The following DPYD variants were observed in gnomAD, a reference collection of about 807,000 sequenced individuals.
DPYD encodes dihydropyrimidine dehydrogenase [NADP(+)].
A neutral mutation model predicts 116.2 loss-of-function variants in DPYD; 109 were observed. That is an observed-to-expected ratio of 0.94 (90% confidence interval 0.80 to 1.10). The LOEUF is 1.10. DPYD is among the 50% of genes least tolerant of loss of function. The pLI is 0.00. For missense variants in DPYD, 1,302 were observed against 1,254.5 expected (o/e 1.04, Z -0.57); for synonymous variants, 440 against 432.0 (o/e 1.02, Z -0.23).
chr1:97,409,035 C>A (rs1349739441), intron 14 of DPYD, among the ~76,000 whole-genome samples: 1 of 152,086 alleles, frequency 6.6e-6, no homozygotes, highest in African/African-American at 2.4e-5. Flanking sequence ...GACGGCCTAT[C>A]ATGGGACTTC....
intron 18 of DPYD, among the ~76,000 whole-genome samples, chr1:97,285,749 T>A (rs1665633818): frequency 6.7e-6 from 1 of 150,346 alleles, no homozygotes; most frequent in African/African-American, 2.4e-5. Flanking sequence ...AGTGGCATAA[T>A]CTCAGCTCAC....
At chr1:97,079,195 C>T (rs1648986830) in intron 22 of DPYD, 49 bp from the exon 23 acceptor site, 2 of 1,601,424 alleles carry the variant, frequency 1.2e-6, no homozygotes, top group Non-Finnish European at 1.7e-6. Flanking sequence ...CAAAGGTCAA[C>T]AATGTCCCCA....
At chr1:97,651,922 TC>T (rs1370368499) in intron 8 of DPYD, among the ~76,000 whole-genome samples, 2 of 152,224 alleles carry the variant, frequency 1.3e-5, no homozygotes, top group Admixed American at 1.3e-4. Flanking sequence ...TAAAATCATT[TC>T]AGAAGCCAAA....
At chr1:97,594,203 A>G (rs1044824665) in intron 9 of DPYD, among the ~76,000 whole-genome samples, 1 of 152,220 alleles carries the variant, frequency 6.6e-6, no homozygotes, top group Non-Finnish European at 1.5e-5. Context: ...CTATAATTTC[A>G]ATAAGTGTAA....
intron 14 of DPYD, among the ~76,000 whole-genome samples, chr1:97,411,338 C>G (rs946984853): frequency 5.3e-5 from 8 of 152,076 alleles, no homozygotes; most frequent in African/African-American, 1.9e-4. Flanking sequence ...ATCAAGTCAA[C>G]TTCACTTTTT....
At chr1:97,221,779 G>A (rs1025472988) in intron 19 of DPYD, among the ~76,000 whole-genome samples, 3 of 151,966 alleles carry the variant, frequency 2.0e-5, no homozygotes, top group Non-Finnish European at 2.9e-5. Context: ...ATCAATTTAT[G>A]AACTAACAGA....
At position 97,188,136 on chromosome 1, in the gene DPYD, T is replaced by C. The variant is rs75534901; in HGVS notation, c.2622+4933A>G. Among the ~76,000 whole-genome samples the C allele has an allele frequency of 0.018, 2,730 of 152,324 alleles. 215 individuals are homozygous for C. In the East Asian group the frequency reaches 0.24, roughly 14 times the overall value. ...GTATCTGGTCATATGGATACAATTT[T>C]GGTTTCTATTATCAAAACAAATCCT... On this transcript the variant is annotated intron_variant, in intron 20 of 22. Coordinates refer to ENST00000370192, the MANE Select transcript of DPYD (RefSeq NM_000110.4).
At chr1:97,758,868 C>T (rs1282151728) in intron 3 of DPYD, among the ~76,000 whole-genome samples, 1 of 152,140 alleles carries the variant, frequency 6.6e-6, no homozygotes, top group African/African-American at 2.4e-5. Flanking sequence ...TGGTCTGGAG[C>T]CAGAAAATAA....
At chr1:97,912,923 A>G (rs1674028515) in intron 1 of DPYD, among the ~76,000 whole-genome samples, 1 of 152,150 alleles carries the variant, frequency 6.6e-6, no homozygotes, top group Non-Finnish European at 1.5e-5. Context: ...TCAGATTAGT[A>G]TAGCTTGAAT....
At chr1:97,286,870 C>T (rs1034588054) in intron 18 of DPYD, among the ~76,000 whole-genome samples, 2 of 152,138 alleles carry the variant, frequency 1.3e-5, no homozygotes, top group African/African-American at 4.8e-5. Flanking sequence ...TTTGAATTTC[C>T]TCCTGTAGCT....
intron 14 of DPYD, among the ~76,000 whole-genome samples, chr1:97,437,020 AAAT>A (rs1275048729): frequency 3.3e-5 from 5 of 151,834 alleles, no homozygotes; most frequent in Admixed American, 3.3e-4. Context: ...ATAAAGAATA[AAAT>A]AATAATTTAT....
At chr1:97,131,201 C>A (rs1570515190) in intron 20 of DPYD, among the ~76,000 whole-genome samples, 1 of 151,552 alleles carries the variant, frequency 6.6e-6, no homozygotes, top group African/African-American at 2.4e-5. Context: ...TTTGAAATAA[C>A]CTAAATTGGC....
At chr1:97,333,276 G>C (rs1669113811) in intron 16 of DPYD, among the ~76,000 whole-genome samples, 1 of 151,716 alleles carries the variant, frequency 6.6e-6, no homozygotes, top group African/African-American at 2.4e-5. Flanking sequence ...ACTGTCCAGA[G>C]TAATACACCC....
chr1:97,353,020 C>T (rs1670231017), intron 16 of DPYD, among the ~76,000 whole-genome samples: 1 of 151,810 alleles, frequency 6.6e-6, no homozygotes, highest in Non-Finnish European at 1.5e-5. Flanking sequence ...AGGACAAAAC[C>T]AGCAGTAGAA....
intron 1 of DPYD, among the ~76,000 whole-genome samples, chr1:97,892,440 T>A (rs1672826310): frequency 6.6e-6 from 1 of 151,768 alleles, no homozygotes; most frequent in South Asian, 2.1e-4. Context: ...CACAAAGGTA[T>A]CTTTGGTTCT....
chr1:97,165,735 A>G (rs1007356659), intron 20 of DPYD, among the ~76,000 whole-genome samples: 13 of 152,186 alleles, frequency 8.5e-5, no homozygotes, highest in African/African-American at 3.1e-4. Context: ...GAAAGAAGTA[A>G]CAACCCCTTA....
intron 16 of DPYD, among the ~76,000 whole-genome samples, chr1:97,326,638 G>T (rs1358628884): frequency 2.0e-5 from 3 of 151,914 alleles, no homozygotes; most frequent in Non-Finnish European, 4.4e-5. Context: ...AAATACTGCA[G>T]AGAAATTAGG....
At chr1:97,205,390 A>G (rs969720055) in intron 19 of DPYD, among the ~76,000 whole-genome samples, 8 of 151,502 alleles carry the variant, frequency 5.3e-5, no homozygotes, top group African/African-American at 9.7e-5. Context: ...GCCTTTTCCA[A>G]TATGTCGTAT....
intron 18 of DPYD, among the ~76,000 whole-genome samples, chr1:97,302,545 T>C (rs1666925877): frequency 6.6e-6 from 1 of 151,916 alleles, no homozygotes; most frequent in Admixed American, 6.6e-5. Context: ...GACCTTGGAG[T>C]GAGGTCCTAA....
Sources: gnomAD v4.1 joint callset for allele counts (sites outside exome capture counted in the v4.1 genomes callset) on GRCh38, gnomAD v4.1.1 for gene constraint, MANE v1.5 for transcripts, NCBI Gene and HGNC (gene_info 2026-07-23, HGNC 2026-07-21) for gene names.